The following EPCAM variants were observed in gnomAD, a reference collection of about 807,000 sequenced individuals.
EPCAM encodes the protein epithelial cell adhesion molecule.
EPCAM carries 39 observed loss-of-function variants against 40.0 expected under a neutral mutation model. The ratio of observed to expected loss-of-function variants is 0.98; its 90% CI spans 0.76 to 1.27. EPCAM has a LOEUF of 1.27. EPCAM is among the 50% of genes most tolerant of loss of function. The pLI, the probability that EPCAM is intolerant of heterozygous loss-of-function variation, is 0.00. For synonymous variants in EPCAM, 168 were observed against 132.3 expected (o/e 1.27, Z -1.85); for missense variants, 503 against 381.2 (o/e 1.32, Z -2.66).
intron 1 of EPCAM, among the ~76,000 whole-genome samples, chr2:47,372,939 C>T (rs1397021449): frequency 3.3e-5 from 5 of 152,106 alleles, no homozygotes; most frequent in East Asian, 3.9e-4. Flanking sequence ...GGCACAGTGG[C>T]TCATGCCTGT....
chr2:47,374,079 C>A (rs370149689), intron 3 of EPCAM, 31 bp downstream of exon 3: 2 of 1,612,250 alleles, frequency 1.2e-6, no homozygotes, highest in South Asian at 1.1e-5. Context: ...TACTTGTTTT[C>A]ATGCTGTTCA....
chr2:47,372,870 C>G (rs1671311600), intron 1 of EPCAM, among the ~76,000 whole-genome samples: 1 of 151,882 alleles, frequency 6.6e-6, no homozygotes, highest in South Asian at 2.1e-4. Flanking sequence ...AAAGACAAAG[C>G]TAGAAATGAT....
chr2:47,373,421 T>G (rs1374908554), intron 1 of EPCAM, 42 bp from the exon 2 acceptor site: 2 of 1,244,408 alleles, frequency 1.6e-6, no homozygotes. Flanking sequence ...TGAGAGTTAA[T>G]AGATCCACAT....
At chr2:47,375,862 C>T (rs903528125) in intron 4 of EPCAM, among the ~76,000 whole-genome samples, 2 of 151,826 alleles carry the variant, frequency 1.3e-5, no homozygotes, top group African/African-American at 2.4e-5. Flanking sequence ...CCTGCCACTA[C>T]GCCCTGCTAA....
chr2:47,377,211 T>C lies in EPCAM; in HGVS notation c.555+134T>C, dbSNP rs2103753838. The C allele has an allele frequency of 6.8e-6, 5 of 734,112 alleles. No homozygotes were observed. The East Asian group carries it at 7.4e-5, about 11-fold the overall frequency. The allele number at this position is 734,112 out of a possible 1,614,324, so 45.5% of individuals were successfully genotyped here. On this transcript the variant is annotated intron_variant, in intron 5 of 8. Transcript: ENST00000263735. ...AACAGTTTCGGATCTGGGTACTTAATGTGAATTTCCTGTTACTGTTTTTTT... is the reference window on the plus strand; with the variant it reads ...AACAGTTTCGGATCTGGGTACTTAACGTGAATTTCCTGTTACTGTTTTTTT...
intron 1 of EPCAM, among the ~76,000 whole-genome samples, chr2:47,371,549 T>C (rs1671267778): frequency 6.6e-6 from 1 of 152,260 alleles, no homozygotes; most frequent in East Asian, 1.9e-4. Context: ...CTCAAAGTAA[T>C]GCAGTTTTAG....
At position 47,377,299 on chromosome 2, in the gene EPCAM, A is replaced by C. The variant is rs191049925; in HGVS notation, c.555+222A>C. Among the ~76,000 whole-genome samples, 20 of 152,200 alleles carry C rather than the reference A, an allele frequency of 1.3e-4. No individual in the cohort carries two copies. The East Asian group carries it at 3.9e-3, about 29-fold the overall frequency. ...TTCCCCAGGCTGGAGTGTCATGGCA[A>C]GATCTCGGCTCAATGTAACCTCTGC... On this transcript the variant is annotated intron_variant, in intron 5 of 8. Coordinates refer to ENST00000263735, the MANE Select transcript of EPCAM (RefSeq NM_002354.3).
rs146913093 is a variant in EPCAM at position 47,373,958 on chromosome 2, G to T, written c.335G>T (p.Gly112Val). Reference protein sequence around the residue: ...SGLFKAKQCNGTSMCWCVNTA... With the variant: ...SGLFKAKQCNVTSMCWCVNTA... ...CTCTTTAAGGCCAAGCAGTGCAACG[G>T]CACCTCCATGTGCTGGTGTGTGAAC... Residue 112 changes from glycine to valine, a missense_variant, in exon 3 of 9, where the codon GGC becomes GTC. Physicochemically the swap from Gly to Val is moderately radical, Grantham distance 109. Transcript: ENST00000263735. The T allele has an allele frequency of 6.2e-7, 1 of 1,614,074 alleles. No individual in the cohort carries two copies. The highest frequency in any genetic ancestry group is 8.5e-7 in the Non-Finnish European group (1 of 1,179,990).
intron 4 of EPCAM, among the ~76,000 whole-genome samples, chr2:47,376,360 G>T (rs557035317): frequency 6.6e-6 from 1 of 151,050 alleles, no homozygotes; most frequent in African/African-American, 2.4e-5. Context: ...GGATTCAAGC[G>T]ATTCTCCTGC....
In EPCAM at chr2:47,375,244, A is replaced by T. The variant is rs751352456; in HGVS notation, c.436A>T (p.Ile146Phe). Residue 146 changes from isoleucine (I) to phenylalanine (F), a missense_variant, in exon 4 of 9, where the codon ATT becomes TTT. Transcript: ENST00000263735. Reference sequence around the variant, plus strand: ...CTTTTTACTTTATAGCTGGATCATCATTGAACTAAAACACAAAGCAAGAGA... The same window carrying T: ...CTTTTTACTTTATAGCTGGATCATCTTTGAACTAAAACACAAAGCAAGAGA... ...SERVRTYWII[I>F]ELKHKAREKP... is the part of the protein sequence containing the mutation. 2 of 1,609,950 alleles carry T rather than the reference A, an allele frequency of 1.2e-6. No individual in the cohort carries two copies.
intron 7 of EPCAM, among the ~76,000 whole-genome samples, chr2:47,384,794 C>T (rs1388410093): frequency 6.6e-6 from 1 of 152,204 alleles, no homozygotes; most frequent in African/African-American, 2.4e-5. Flanking sequence ...GCAACCTCTG[C>T]CTCCTGGGTT....
chr2:47,369,367 C>G lies in EPCAM; in HGVS notation c.-139C>G. 1 of 1,191,828 alleles carries G rather than the reference C, an allele frequency of 8.4e-7. No individual in the cohort carries two copies. Among genetic ancestry groups the G allele is most frequent in the African/African-American group, 1.6e-5 (1 of 62,228 alleles). 73.8% of individuals were successfully genotyped at this position (1,191,828 alleles called of 1,614,324 possible). A position where few individuals can be genotyped will look rare whatever the true frequency, so the allele number is the denominator to read the frequency against. ...CTTCGACGCGGTCCGGGGACCCCCT[C>G]GTCGCTGTCCTCCCGACGCGGACCC... On this transcript the variant is annotated 5_prime_UTR_variant, in exon 1 of 9. Coordinates refer to ENST00000263735, the MANE Select transcript of EPCAM (RefSeq NM_002354.3).
In EPCAM at chr2:47,385,044, T is replaced by A. The variant is rs193294150; in HGVS notation, c.859-122T>A. On this transcript the variant is annotated intron_variant, in intron 7 of 8. Transcript: ENST00000263735. The stretch of plus-strand genomic sequence containing the variant: ...TTAAGAAGCAATAAATGTTTATGGA[T>A]AGATGTTAAAATTAGTTTTTTTTCA... 1.1e-3 allele frequency: 904 copies of A among 787,236 alleles called. 1 individual carries two copies. Among genetic ancestry groups the A allele is most frequent in the Non-Finnish European group, 9.8e-4 (432 of 441,366 alleles). 48.8% of individuals were successfully genotyped at this position (787,236 alleles called of 1,614,324 possible). A position where few individuals can be genotyped will look rare whatever the true frequency, so the allele number is the denominator to read the frequency against.
chr2:47,369,372 C>G lies in EPCAM; in HGVS notation c.-134C>G. 8.4e-7 allele frequency: 1 copy of G among 1,193,676 alleles called. No homozygotes were observed. Among genetic ancestry groups the G allele is most frequent in the Non-Finnish European group, 1.1e-6 (1 of 913,456 alleles). The allele number at this position is 1,193,676 out of a possible 1,614,324, so 73.9% of individuals were successfully genotyped here. On this transcript the variant is annotated 5_prime_UTR_variant, in exon 1 of 9. Transcript: ENST00000263735. Reference sequence around the variant, plus strand: ...ACGCGGTCCGGGGACCCCCTCGTCGCTGTCCTCCCGACGCGGACCCGCGTG... The same window carrying G: ...ACGCGGTCCGGGGACCCCCTCGTCGGTGTCCTCCCGACGCGGACCCGCGTG...
intron 8 of EPCAM, among the ~76,000 whole-genome samples, chr2:47,386,073 CAAGGATT>C (rs1671736444): frequency 6.6e-6 from 1 of 152,118 alleles, no homozygotes. Context: ...GGACCTGTTG[CAAGGATT>C]AAACATAATC....
rs553850984 is a variant in EPCAM at position 47,376,793 on chromosome 2, A to G, written c.492-221A>G. On this transcript the variant is annotated intron_variant, in intron 4 of 8. Transcript: ENST00000263735. ...TCTATGGGCAGATACTTGGATACTA[A>G]GTAAATGTTCTTTTTCTAATTAAAC... Among the ~76,000 whole-genome samples the G allele has an allele frequency of 7.4e-4, 112 of 152,318 alleles. No homozygotes were observed. In the South Asian group the frequency reaches 0.022, roughly 30 times the overall value.
chr2:47,373,835 C>T lies in EPCAM; in HGVS notation c.212C>T (p.Ala71Val), dbSNP rs567291767. The change falls in exon 3 of 9, where the codon GCA (alanine) becomes GTA (valine). Residue 71 changes from alanine to valine, a missense_variant. Coordinates refer to ENST00000263735, the MANE Select transcript of EPCAM (RefSeq NM_002354.3). ...KLAAKCLVMK[A>V]EMNGSKLGRR... is the part of the protein sequence containing the mutation. ...GCTGCCAAATGTTTGGTGATGAAGG[C>T]AGAAATGAATGGCTCAAAACTTGGG... is the stretch of plus-strand genomic sequence containing the variant. 3.1e-6 allele frequency: 5 copies of T among 1,613,930 alleles called. No individual in the cohort carries two copies. In the African/African-American group the frequency reaches 5.3e-5, roughly 17 times the overall value.
chr2:47,369,566 G>A lies in EPCAM; in HGVS notation c.61G>A (p.Ala21Thr), dbSNP rs1671161562. The change falls in exon 1 of 9, where the codon GCC (alanine) becomes ACC (threonine). Residue 21 changes from alanine (A) to threonine (T), a missense_variant. Physicochemically the swap from Ala to Thr is moderately conservative, Grantham distance 58. Transcript: ENST00000263735. Reference sequence around the variant, plus strand: ...GCTTGCCGCGGCGACGGCGACTTTTGCCGCAGCTCAGGAAGGTGAGGCGCG... The same window carrying A: ...GCTTGCCGCGGCGACGGCGACTTTTACCGCAGCTCAGGAAGGTGAGGCGCG... ...LLLAAATATF[A>T]AAQEECVCEN... is the part of the protein sequence containing the mutation. 1 of 1,589,934 alleles carries A rather than the reference G, an allele frequency of 6.3e-7. No individual in the cohort carries two copies. The highest frequency in any genetic ancestry group is 8.5e-7 in the Non-Finnish European group (1 of 1,171,298).
At chr2:47,369,748 C>T (rs1165997411) in intron 1 of EPCAM, 167 bp downstream of exon 1, 2 of 764,274 alleles carry the variant, frequency 2.6e-6, no homozygotes, top group South Asian at 1.5e-5. Context: ...GCCCTCCGCG[C>T]GGTAGGAAAC....
Sources: gnomAD v4.1 joint callset for allele counts (sites outside exome capture counted in the v4.1 genomes callset) on GRCh38, gnomAD v4.1.1 for gene constraint, MANE v1.5 for transcripts, NCBI Gene and HGNC (gene_info 2026-07-23, HGNC 2026-07-21) for gene names.